Variants in DYNC1I1 observed in about 807,000 individuals in gnomAD.
DYNC1I1 encodes the protein dynein cytoplasmic 1 intermediate chain 1, also known as cytoplasmic dynein 1 intermediate chain 1.
Under a neutral mutation model 86.6 loss-of-function variants are expected in DYNC1I1, and 43 were observed. The ratio of observed to expected loss-of-function variants is 0.50; its 90% CI spans 0.39 to 0.64. The LOEUF (loss-of-function observed/expected upper bound fraction) is 0.64. Among genes scored for constraint, DYNC1I1 ranks in the 30% least tolerant of loss-of-function variants. The probability of loss-of-function intolerance (pLI) is 0.00; values close to 1 mark genes in which losing one functional copy is unlikely to be tolerated. For synonymous variants in DYNC1I1, 262 were observed against 283.7 expected (o/e 0.92, Z 0.77); for missense variants, 604 against 788.8 (o/e 0.77, Z 2.81).
In DYNC1I1 at chr7:95,937,505, C is replaced by CA. The variant is rs147821735; in HGVS notation, c.491-39995dup. 6.6e-4 allele frequency among the ~76,000 whole-genome samples: 90 copies of CA among 136,262 alleles called. 1 individual carries two copies. Among genetic ancestry groups the CA allele is most frequent in the East Asian group, 1.0e-3 (5 of 4,860 alleles). The allele number at this position is 136,262 out of a possible 152,430, so 89.4% of individuals were successfully genotyped here. On this transcript the variant is annotated intron_variant, in intron 6 of 16. Coordinates refer to ENST00000447467, the MANE Select transcript of DYNC1I1 (RefSeq NM_001135556.2). ...TATGGACCTTAATTTAATCTTCGTT[C>CA]AAAAAAAAAAAAGCACCTATGAAAG...
intron 1 of DYNC1I1, among the ~76,000 whole-genome samples, chr7:95,784,902 T>G (rs1448088113): frequency 6.6e-6 from 1 of 152,222 alleles, no homozygotes; most frequent in Non-Finnish European, 1.5e-5. Flanking sequence ...GTATTATTCT[T>G]TCTTTTGGCC....
chr7:96,004,192 C>T (rs962072732), intron 10 of DYNC1I1, among the ~76,000 whole-genome samples: 4 of 152,040 alleles, frequency 2.6e-5, no homozygotes, highest in Admixed American at 6.5e-5. Context: ...TTGCTTTTTC[C>T]GTTTTTATAT....
chr7:95,846,157 A>G (rs1022760746), intron 5 of DYNC1I1, among the ~76,000 whole-genome samples: 15 of 152,232 alleles, frequency 9.9e-5, no homozygotes, highest in African/African-American at 7.2e-5. Context: ...TAATATAATC[A>G]TTGTCATTTA....
At chr7:95,816,915 G>A (rs997236358) in intron 4 of DYNC1I1, among the ~76,000 whole-genome samples, 6 of 152,200 alleles carry the variant, frequency 3.9e-5, no homozygotes, top group African/African-American at 1.4e-4. Context: ...TTCTCAATAT[G>A]GTAAAGAATA....
intron 12 of DYNC1I1, among the ~76,000 whole-genome samples, chr7:96,033,029 C>T (rs1252663449): frequency 6.6e-6 from 1 of 152,128 alleles, no homozygotes; most frequent in Non-Finnish European, 1.5e-5. Context: ...TGAAATAATC[C>T]ATTCTAAATC....
chr7:96,101,118 C>G (rs1204719905), downstream of DYNC1I1, among the ~76,000 whole-genome samples: 1 of 152,022 alleles, frequency 6.6e-6, no homozygotes, highest in Non-Finnish European at 1.5e-5. Context: ...CACCAGAAGT[C>G]AGGAAGCCAC....
intron 1 of DYNC1I1, among the ~76,000 whole-genome samples, chr7:95,773,304 T>C (rs71562899): frequency 0.14 from 21,799 of 152,240 alleles, 1,732 homozygotes; most frequent in East Asian, 0.36. Flanking sequence ...AATTAAACAC[T>C]TCAAAGCGAG....
intron 6 of DYNC1I1, among the ~76,000 whole-genome samples, chr7:95,926,879 T>C (rs990549804): frequency 6.6e-6 from 1 of 152,188 alleles, no homozygotes. Context: ...GTCCCTCCCA[T>C]ATCATATTGT....
chr7:96,055,402 G>A (rs909719000), intron 14 of DYNC1I1, among the ~76,000 whole-genome samples: 11 of 152,108 alleles, frequency 7.2e-5, no homozygotes, highest in South Asian at 4.2e-4. Flanking sequence ...AGAACTTAAA[G>A]TATAATAAAA....
chr7:95,966,418 A>ATGTGTC (rs1584207224), intron 6 of DYNC1I1, among the ~76,000 whole-genome samples: 2 of 152,206 alleles, frequency 1.3e-5, no homozygotes, highest in East Asian at 1.9e-4. Flanking sequence ...GAGAGGGAGA[A>ATGTGTC]TGTGTCCACC....
At position 96,026,733 on chromosome 7, in the gene DYNC1I1, C is replaced by T. The variant is rs187950650; in HGVS notation, c.970-1442C>T. Among the ~76,000 whole-genome samples the T allele has an allele frequency of 5.9e-5, 9 of 152,268 alleles. No homozygotes were observed. In the East Asian group the frequency reaches 1.5e-3, roughly 26 times the overall value. On this transcript the variant is annotated intron_variant, in intron 10 of 16. Coordinates refer to ENST00000447467, the MANE Select transcript of DYNC1I1 (RefSeq NM_001135556.2). ...CTTCAGGAATGCCTGTTGCTTCTCT[C>T]CACTGTTTGAATGTTCCATATATAC...
intron 16 of DYNC1I1, among the ~76,000 whole-genome samples, chr7:96,108,075 T>G (rs1791246379): frequency 6.6e-6 from 1 of 152,126 alleles, no homozygotes; most frequent in African/African-American, 2.4e-5. Context: ...ATCTTTCACA[T>G]GATGTATGAT....
rs768899789 is a variant in DYNC1I1 at position 96,080,463 on chromosome 7, G to A, written c.1751G>A (p.Arg584His). The change falls in exon 16 of 17, where the codon CGT becomes CAT. Residue 584 changes from arginine to histidine, a missense_variant. Arg to His is a conservative substitution (Grantham distance 29). Coordinates refer to ENST00000447467, the MANE Select transcript of DYNC1I1 (RefSeq NM_001135556.2). ...KEVAVGDSEG[R>H]IWVYDVGELA... ...GTTGCTGTTGGGGACTCGGAAGGCC[G>A]TATTTGGGTCTATGACGTTGGAGAG... The A allele has an allele frequency of 4.8e-5, 78 of 1,614,050 alleles. No individual in the cohort carries two copies. Among genetic ancestry groups the A allele is most frequent in the East Asian group, 2.2e-4 (10 of 44,890 alleles).
chr7:96,061,760 A>C (rs1789786300), intron 14 of DYNC1I1, among the ~76,000 whole-genome samples: 1 of 149,648 alleles, frequency 6.7e-6, no homozygotes, highest in African/African-American at 2.5e-5. Context: ...ACACACACAC[A>C]CTCCAATTTA....
intron 6 of DYNC1I1, among the ~76,000 whole-genome samples, chr7:95,916,448 T>C (rs1467891897): frequency 6.6e-6 from 1 of 152,168 alleles, no homozygotes; most frequent in African/African-American, 2.4e-5. Flanking sequence ...AAGGGGAAAA[T>C]TTTGTTTAAT....
In DYNC1I1 at chr7:96,080,347, G is replaced by A. The variant is rs778695845; in HGVS notation, c.1651-16G>A. 3 of 1,580,176 alleles carry A rather than the reference G, an allele frequency of 1.9e-6. No homozygotes were observed. In the African/African-American group the frequency reaches 4.1e-5, roughly 22 times the overall value. ...TATTCAGAGATTCTTTTATTCTGTT[G>A]TGAACCCTTTGGCAGGTTCCAACAG... On this transcript the variant is annotated splice_polypyrimidine_tract_variant and intron_variant, in intron 15 of 16. Coordinates refer to ENST00000447467, the MANE Select transcript of DYNC1I1 (RefSeq NM_001135556.2).
chr7:95,940,049 A>G (rs1448697316), intron 6 of DYNC1I1, among the ~76,000 whole-genome samples: 2 of 152,058 alleles, frequency 1.3e-5, no homozygotes, highest in African/African-American at 4.8e-5. Flanking sequence ...TTTCTCCTTC[A>G]TTTATGAAGC....
chr7:96,081,112 A>G (rs1190301436), intron 16 of DYNC1I1, among the ~76,000 whole-genome samples: 2 of 149,332 alleles, frequency 1.3e-5, no homozygotes, highest in African/African-American at 5.0e-5. Flanking sequence ...TGCCAAATAT[A>G]TCATGCTAAA....
At chr7:95,811,561 G>T (rs932319366) in intron 3 of DYNC1I1, among the ~76,000 whole-genome samples, 3 of 152,088 alleles carry the variant, frequency 2.0e-5, no homozygotes, top group Non-Finnish European at 2.9e-5. Context: ...ATTAAGTATT[G>T]CTGGATGTAA....
Sources: allele counts gnomAD v4.1 joint callset (sites outside exome capture counted in the v4.1 genomes callset), GRCh38; gene constraint gnomAD v4.1.1; transcripts MANE v1.5; gene names NCBI Gene and HGNC (gene_info 2026-07-23, HGNC 2026-07-21).